Variants in REEP3 observed in about 807,000 individuals in gnomAD.
The protein encoded by REEP3 is receptor accessory protein 3, also known as receptor expression-enhancing protein 3.
REEP3 carries 20 observed loss-of-function variants against 41.3 expected under a neutral mutation model. The ratio of observed to expected loss-of-function variants is 0.48; its 90% confidence interval spans 0.34 to 0.70. The LOEUF (loss-of-function observed/expected upper bound fraction) is 0.70, where lower values mean the gene tolerates loss of function less well. Among genes scored for constraint, REEP3 ranks in the 30% least tolerant of loss-of-function variants. The pLI is 0.01. For synonymous variants in REEP3, 104 were observed against 101.8 expected, an observed-to-expected ratio of 1.02 and a Z score of -0.13; for missense variants, 271 against 308.8, an observed-to-expected ratio of 0.88 and a Z score of 0.92.
chr10:63,540,814 G>A (rs75973498), intron 1 of REEP3, among the ~76,000 whole-genome samples: 3,776 of 152,090 alleles, frequency 0.025, 116 homozygotes, highest in African/African-American at 0.069. Context: ...GCAAACTCCT[G>A]GTTTCTAGCC....
At position 63,521,488 on chromosome 10, in the gene REEP3, T is replaced by TG; in HGVS notation, c.-56dup. 8.1e-7 allele frequency: 1 copy of TG among 1,239,510 alleles called. No individual in the cohort carries two copies. The highest frequency in any genetic ancestry group is 1.0e-6 in the Non-Finnish European group (1 of 958,674). 76.8% of individuals were successfully genotyped at this position (1,239,510 alleles called of 1,614,324 possible). On this transcript the variant is annotated 5_prime_UTR_variant, in exon 1 of 8. Coordinates refer to ENST00000373758, the MANE Select transcript of REEP3 (RefSeq NM_001001330.3). ...AGCGCGCGGCCTGCCGTTGGCGGCCTGGTCCGCAGCGCCCTGCGCCCACCC... is the reference window on the plus strand; with the variant it reads ...AGCGCGCGGCCTGCCGTTGGCGGCCTGGGTCCGCAGCGCCCTGCGCCCACCC...
intron 2 of REEP3, among the ~76,000 whole-genome samples, chr10:63,591,753 A>G (rs1483493046): frequency 6.6e-6 from 1 of 152,252 alleles, no homozygotes. Context: ...ACTGAAGCAC[A>G]GCTACTTTTG....
At chr10:63,609,473 C>T (rs900850359) in intron 5 of REEP3, among the ~76,000 whole-genome samples, 1 of 150,572 alleles carries the variant, frequency 6.6e-6, no homozygotes, top group African/African-American at 2.4e-5. Flanking sequence ...AAAAAAGTTG[C>T]CCTTGGCCGG....
chr10:63,605,831 C>T (rs1956220167), intron 5 of REEP3, among the ~76,000 whole-genome samples: 1 of 152,050 alleles, frequency 6.6e-6, no homozygotes, highest in South Asian at 2.1e-4. Context: ...TGGGGAGCTG[C>T]TTCTCAGCTG....
intron 1 of REEP3, among the ~76,000 whole-genome samples, chr10:63,522,065 C>G (rs944348312): frequency 3.3e-5 from 5 of 152,086 alleles, no homozygotes; most frequent in African/African-American, 9.7e-5. Context: ...CTTTGTATCC[C>G]GCGGCTGATG....
chr10:63,578,945 T>G (rs1955921927), intron 2 of REEP3, among the ~76,000 whole-genome samples: 1 of 151,942 alleles, frequency 6.6e-6, no homozygotes. Flanking sequence ...TTTACTATTT[T>G]ATATGTAATA....
At chr10:63,614,786 A>T (rs1053289380) in intron 6 of REEP3, among the ~76,000 whole-genome samples, 6 of 152,240 alleles carry the variant, frequency 3.9e-5, no homozygotes, top group Non-Finnish European at 8.8e-5. Flanking sequence ...ACTCTTAGGC[A>T]CTTTTTATGA....
chr10:63,558,568 C>G (rs576899890), intron 1 of REEP3, among the ~76,000 whole-genome samples: 11 of 152,058 alleles, frequency 7.2e-5, no homozygotes, highest in African/African-American at 2.4e-4. Flanking sequence ...AGACAGATTG[C>G]TTGAGACCAG....
chr10:63,602,450 GC>G (rs544688956), intron 5 of REEP3, among the ~76,000 whole-genome samples: 1 of 152,120 alleles, frequency 6.6e-6, no homozygotes, highest in Non-Finnish European at 1.5e-5. Flanking sequence ...CAATGAAGAT[GC>G]TATCTGAATT....
intron 1 of REEP3, among the ~76,000 whole-genome samples, chr10:63,565,410 C>T (rs1242136987): frequency 6.6e-6 from 1 of 152,208 alleles, no homozygotes; most frequent in East Asian, 1.9e-4. Flanking sequence ...TTCATTTGTA[C>T]ATATGTCTTG....
At chr10:63,565,179 G>T (rs1235974443) in intron 1 of REEP3, among the ~76,000 whole-genome samples, 1 of 152,190 alleles carries the variant, frequency 6.6e-6, no homozygotes, top group East Asian at 1.9e-4. Context: ...AGAATTGCTT[G>T]TCCCCAGGAG....
At chr10:63,545,300 G>A (rs992642116) in intron 1 of REEP3, among the ~76,000 whole-genome samples, 1 of 152,120 alleles carries the variant, frequency 6.6e-6, no homozygotes, top group Non-Finnish European at 1.5e-5. Flanking sequence ...TCAATATTCT[G>A]GTTCTACCTA....
intron 5 of REEP3, among the ~76,000 whole-genome samples, chr10:63,606,416 C>T (rs1197548674): frequency 6.6e-6 from 1 of 151,268 alleles, no homozygotes; most frequent in Non-Finnish European, 1.5e-5. Flanking sequence ...GACAGGGTCT[C>T]GCTCTATCAC....
chr10:63,561,891 A>G (rs1283755861), intron 1 of REEP3, among the ~76,000 whole-genome samples: 4 of 152,242 alleles, frequency 2.6e-5, no homozygotes, highest in African/African-American at 9.6e-5. Flanking sequence ...TGATGATACT[A>G]GATTGTATGA....
chr10:63,552,925 C>A (rs1312420441), intron 1 of REEP3, among the ~76,000 whole-genome samples: 1 of 152,150 alleles, frequency 6.6e-6, no homozygotes, highest in African/African-American at 2.4e-5. Context: ...AAATAAAGTT[C>A]CCACCTCTCT....
At chr10:63,526,799 A>G (rs1955368819) in intron 1 of REEP3, among the ~76,000 whole-genome samples, 1 of 152,120 alleles carries the variant, frequency 6.6e-6, no homozygotes, top group Non-Finnish European at 1.5e-5. Flanking sequence ...CTTATGTGAT[A>G]TTTCATGCAA....
In REEP3 at chr10:63,583,568, G is replaced by A. The variant is rs140829426; in HGVS notation, c.106-11210G>A. On this transcript the variant is annotated intron_variant, in intron 2 of 7. Transcript: ENST00000373758. ...TCCTTTGTGGAAGGAGCCAGATGGA[G>A]TCGACTGTGTGAAGTTAGATAAGGC... 3.2e-3 allele frequency among the ~76,000 whole-genome samples: 481 copies of A among 152,282 alleles called. 2 individuals are homozygous for A. Among genetic ancestry groups the A allele is most frequent in the African/African-American group, 0.011 (466 of 41,542 alleles).
At chr10:63,540,184 A>C (rs1300491226) in intron 1 of REEP3, among the ~76,000 whole-genome samples, 3 of 152,208 alleles carry the variant, frequency 2.0e-5, no homozygotes, top group Non-Finnish European at 4.4e-5. Flanking sequence ...GGAGAAAAGA[A>C]TGTAATAGAG....
chr10:63,544,930 TTA>T (rs1357274668), intron 1 of REEP3, among the ~76,000 whole-genome samples: 3 of 152,198 alleles, frequency 2.0e-5, no homozygotes, highest in Non-Finnish European at 4.4e-5. Context: ...ACTATTTGAT[TTA>T]TATAGCTCTT....
Sources: allele counts gnomAD v4.1 joint callset (sites outside exome capture counted in the v4.1 genomes callset), GRCh38; gene constraint gnomAD v4.1.1; transcripts MANE v1.5; gene names NCBI Gene and HGNC (gene_info 2026-07-23, HGNC 2026-07-21).